Variants in MYO1B observed in about 807,000 individuals in gnomAD.
MYO1B encodes unconventional myosin-Ib.
In MYO1B, 72 loss-of-function variants were observed where a neutral mutation model predicts 159.7. That is an observed-to-expected ratio of 0.45 (90% CI 0.37 to 0.55). MYO1B has a LOEUF of 0.55. MYO1B is among the 20% of genes least tolerant of loss of function. The probability of loss-of-function intolerance (pLI) is 0.00; values close to 1 mark genes in which losing one functional copy is unlikely to be tolerated. For synonymous variants in MYO1B, 468 were observed against 473.8 expected (o/e 0.99, Z 0.16); for missense variants, 1,062 against 1,364.8 (o/e 0.78, Z 3.50).
chr2:191,425,103 G>C lies in MYO1B; in HGVS notation c.*1143G>C, dbSNP rs1698145738. On this transcript the variant is annotated 3_prime_UTR_variant, in exon 31 of 31. Coordinates refer to ENST00000392318, the MANE Select transcript of MYO1B (RefSeq NM_001130158.3). ...GAATCAAATTGTTTCTTATTTGGGA[G>C]GATAATGTATATACATTGGTATTAT... 6.6e-6 allele frequency: 1 copy of C among 151,838 alleles called. No individual in the cohort carries two copies. Among genetic ancestry groups the C allele is most frequent in the Non-Finnish European group, 1.5e-5 (1 of 67,886 alleles). 9.4% of individuals were successfully genotyped at this position (151,838 alleles called of 1,614,324 possible).
At chr2:191,369,357 C>G (rs1471084358) in intron 11 of MYO1B, among the ~76,000 whole-genome samples, 185 bp from the exon 12 acceptor site, 1 of 152,146 alleles carries the variant, frequency 6.6e-6, no homozygotes, top group Non-Finnish European at 1.5e-5. Flanking sequence ...AAAAGTGTAA[C>G]TGTGTATAAA....
intron 21 of MYO1B, among the ~76,000 whole-genome samples, chr2:191,400,123 G>A (rs1696513952): frequency 1.3e-5 from 2 of 152,314 alleles, no homozygotes; most frequent in East Asian, 1.9e-4. Flanking sequence ...TTGTGGTGCT[G>A]TAGTCAGATT....
intron 3 of MYO1B, among the ~76,000 whole-genome samples, chr2:191,320,256 T>A (rs1574419886): frequency 6.6e-6 from 1 of 152,216 alleles, no homozygotes; most frequent in Middle Eastern, 3.4e-3. Flanking sequence ...TAAACTGAGC[T>A]CCTGAGGGTA....
At chr2:191,314,979 G>A (rs1232481658) in intron 3 of MYO1B, among the ~76,000 whole-genome samples, 1 of 152,146 alleles carries the variant, frequency 6.6e-6, no homozygotes, top group African/African-American at 2.4e-5. Flanking sequence ...GAACCTGTGT[G>A]TGTCTGTTTG....
rs1262916478 is a variant in MYO1B, at chr2:191,289,912, G to A, written c.136-6199G>A. 2.0e-5 allele frequency among the ~76,000 whole-genome samples: 3 copies of A among 152,152 alleles called. No homozygotes were observed. The East Asian group carries it at 5.8e-4, about 29-fold the overall frequency. ...ATACAGACTTGGAAATATTCTGACTGTTCTGTGTATGTGTGCTAATGTTTC... is the reference window on the plus strand; with the variant it reads ...ATACAGACTTGGAAATATTCTGACTATTCTGTGTATGTGTGCTAATGTTTC... On this transcript the variant is annotated intron_variant, in intron 2 of 30. Coordinates refer to ENST00000392318, the MANE Select transcript of MYO1B (RefSeq NM_001130158.3).
chr2:191,319,185 C>T (rs1168568502), intron 3 of MYO1B, among the ~76,000 whole-genome samples: 1 of 152,170 alleles, frequency 6.6e-6, no homozygotes, highest in Non-Finnish European at 1.5e-5. Flanking sequence ...TAAACATAAG[C>T]AATCTCAAAT....
At position 191,381,343 on chromosome 2, in the gene MYO1B, A is replaced by G. The variant is rs76718525; in HGVS notation, c.1186-119A>G. Reference sequence around the variant, plus strand: ...TGTCCTAGGAGCCGTGTGCTGGGCCACAGTTAAATCTGAGAGATCATGTGT... The same window carrying G: ...TGTCCTAGGAGCCGTGTGCTGGGCCGCAGTTAAATCTGAGAGATCATGTGT... On this transcript the variant is annotated intron_variant, in intron 13 of 30. Transcript: ENST00000392318. 7,131 of 791,706 alleles carry G rather than the reference A, an allele frequency of 9.0e-3. 312 individuals carry two copies. The highest frequency in any genetic ancestry group is 0.088 in the Admixed American group (4,530 of 51,222). The allele number at this position is 791,706 out of a possible 1,614,324, so 49.0% of individuals were successfully genotyped here.
At chr2:191,322,911 CTA>C (rs1376283647) in intron 3 of MYO1B, among the ~76,000 whole-genome samples, 2 of 152,116 alleles carry the variant, frequency 1.3e-5, no homozygotes, top group African/African-American at 4.8e-5. Context: ...AATGGCTACT[CTA>C]TAGACAGAGA....
chr2:191,330,156 G>C, intron 4 of MYO1B, 127 bp downstream of exon 4: 1 of 692,210 alleles, frequency 1.4e-6, no homozygotes, highest in Admixed American at 2.6e-5. Context: ...TTCTGCAGGA[G>C]GATACTGGTT....
chr2:191,402,770 C>A, intron 24 of MYO1B, 52 bp downstream of exon 24: 1 of 1,368,388 alleles, frequency 7.3e-7, no homozygotes, highest in Non-Finnish European at 1.0e-6. Flanking sequence ...TAAAGCCTAG[C>A]ACCTACTAAC....
chr2:191,404,611 C>T (rs1696802437), intron 24 of MYO1B, among the ~76,000 whole-genome samples: 1 of 152,170 alleles, frequency 6.6e-6, no homozygotes. Context: ...AGAGATATTG[C>T]AGGCTCAGTT....
At chr2:191,357,958 C>T (rs1285295966) in intron 7 of MYO1B, among the ~76,000 whole-genome samples, 1 of 152,110 alleles carries the variant, frequency 6.6e-6, no homozygotes, top group Non-Finnish European at 1.5e-5. Context: ...AAATGGGAGG[C>T]TCTAGGGTAA....
intron 7 of MYO1B, among the ~76,000 whole-genome samples, chr2:191,353,403 C>G (rs1693046418): frequency 6.6e-6 from 1 of 152,116 alleles, no homozygotes; most frequent in Non-Finnish European, 1.5e-5. Flanking sequence ...ACATATGGTA[C>G]AAGTCGCAAG....
In MYO1B at chr2:191,400,632, T is replaced by C. The variant is rs151102867; in HGVS notation, c.2383-117T>C. ...TTTGTTGTGGGGTGGTGGCACATGCTTTTGCGTTTACCATTTGGTGGTGAC... is the reference window on the plus strand; with the variant it reads ...TTTGTTGTGGGGTGGTGGCACATGCCTTTGCGTTTACCATTTGGTGGTGAC... On this transcript the variant is annotated intron_variant, in intron 22 of 30. Transcript: ENST00000392318. 1,939 of 1,351,760 alleles carry C rather than the reference T, an allele frequency of 1.4e-3. 6 individuals are homozygous for C. Among genetic ancestry groups the C allele is most frequent in the Non-Finnish European group, 1.7e-3 (1,655 of 965,998 alleles). 83.7% of individuals were successfully genotyped at this position (1,351,760 alleles called of 1,614,324 possible).
At chr2:191,287,209 G>A (rs1688425049) in intron 2 of MYO1B, among the ~76,000 whole-genome samples, 1 of 152,042 alleles carries the variant, frequency 6.6e-6, no homozygotes, top group Non-Finnish European at 1.5e-5. Flanking sequence ...AGATGAGGGA[G>A]GAGCTAGTAT....
At chr2:191,382,936 A>T (rs573130165) in intron 14 of MYO1B, among the ~76,000 whole-genome samples, 31 of 152,308 alleles carry the variant, frequency 2.0e-4, no homozygotes, top group African/African-American at 7.5e-4. Context: ...CCTTATAAAC[A>T]TTGTAAACAT....
At chr2:191,363,629 G>T (rs1280954922) in intron 9 of MYO1B, 99 bp from the exon 10 acceptor site, 7 of 1,433,372 alleles carry the variant, frequency 4.9e-6, no homozygotes, top group East Asian at 2.5e-5. Flanking sequence ...TCTTTTATGG[G>T]TTTTTTTCCC....
chr2:191,399,721 G>T (rs1696488258), intron 21 of MYO1B, among the ~76,000 whole-genome samples: 1 of 151,866 alleles, frequency 6.6e-6, no homozygotes, highest in Non-Finnish European at 1.5e-5. Context: ...GGGCTTAGCA[G>T]TTGTCTCACA....
At chr2:191,270,601 A>G (rs1306985988) in intron 1 of MYO1B, among the ~76,000 whole-genome samples, 1 of 152,208 alleles carries the variant, frequency 6.6e-6, no homozygotes, top group Non-Finnish European at 1.5e-5. Context: ...GTGCTATTTT[A>G]AAAGATCTAG....
Sources: allele counts gnomAD v4.1 joint callset (sites outside exome capture counted in the v4.1 genomes callset), GRCh38; gene constraint gnomAD v4.1.1; transcripts MANE v1.5; gene names NCBI Gene and HGNC (gene_info 2026-07-23, HGNC 2026-07-21).